The following EPB41L4B variants were observed in gnomAD, a reference collection of about 807,000 sequenced individuals.
EPB41L4B encodes band 4.1-like protein 4B.
EPB41L4B carries 30 observed loss-of-function variants against 112.5 expected under a neutral mutation model. The ratio of observed to expected loss-of-function variants is 0.27; its 90% CI spans 0.20 to 0.36. EPB41L4B has a LOEUF of 0.36. EPB41L4B is among the 10% of genes least tolerant of loss of function. The pLI, the probability that EPB41L4B is intolerant of heterozygous loss-of-function variation, is 1.00. For missense variants in EPB41L4B, 1,024 were observed against 1,133.3 expected, an observed-to-expected ratio of 0.90 and a Z score of 1.38; for synonymous variants, 408 against 439.7, an observed-to-expected ratio of 0.93 and a Z score of 0.90.
intron 16 of EPB41L4B, 66 bp downstream of exon 16, chr9:109,216,856 G>T (rs1425973828): frequency 9.5e-6 from 14 of 1,476,880 alleles, no homozygotes; most frequent in Non-Finnish European, 1.9e-6. Context: ...TAAGAATCTA[G>T]GGAACTCTCG....
intron 7 of EPB41L4B, among the ~76,000 whole-genome samples, chr9:109,257,163 G>A (rs982276568): frequency 4.6e-5 from 7 of 152,124 alleles, no homozygotes; most frequent in Admixed American, 4.6e-4. Context: ...AATGAGAATG[G>A]ACTAATGCCA....
chr9:109,185,836 C>T (rs1189413779), intron 22 of EPB41L4B, among the ~76,000 whole-genome samples: 1 of 130,092 alleles, frequency 7.7e-6, no homozygotes, highest in African/African-American at 2.9e-5. Flanking sequence ...TCCTTTCTGT[C>T]TTTCATCTGT....
At position 109,264,959 on chromosome 9, in the gene EPB41L4B, T is replaced by A. The variant is rs148794364; in HGVS notation, c.578+21A>T. The stretch of plus-strand genomic sequence containing the variant: ...ACTATGATCTATCCTGGGTTAAGAG[T>A]TAGAACAAAAACATACTTACTTTCC... On this transcript the variant is annotated intron_variant, in intron 5 of 25. Transcript: ENST00000374566. 1.7e-4 allele frequency: 269 copies of A among 1,594,678 alleles called. No homozygotes were observed. The East Asian group carries it at 5.9e-3, about 35-fold the overall frequency.
rs367657653 is a variant in EPB41L4B at position 109,288,283 on chromosome 9, C to T, written c.307-8362G>A. 1.8e-4 allele frequency among the ~76,000 whole-genome samples: 28 copies of T among 152,268 alleles called. No individual in the cohort carries two copies. The East Asian group carries it at 3.7e-3, about 20-fold the overall frequency. On this transcript the variant is annotated intron_variant, in intron 1 of 25. Transcript: ENST00000374566. The stretch of plus-strand genomic sequence containing the variant: ...ATCTTGGATATCCAGGCCCCAGAAC[C>T]GTAAGAAAAAGTTTCTGGGCCAGGC...
At chr9:109,224,670 A>G (rs188395140) in intron 15 of EPB41L4B, among the ~76,000 whole-genome samples, 1 of 152,216 alleles carries the variant, frequency 6.6e-6, no homozygotes, top group Admixed American at 6.5e-5. Flanking sequence ...AAAAACATTA[A>G]GTTGTACAAT....
intron 19 of EPB41L4B, among the ~76,000 whole-genome samples, chr9:109,203,362 C>G (rs534329071): frequency 4.6e-5 from 7 of 152,048 alleles, no homozygotes; most frequent in Non-Finnish European, 7.4e-5. Context: ...GTAAACAGAG[C>G]CTTTAAAGGG....
At chr9:109,318,289 C>T (rs529722703) in intron 1 of EPB41L4B, among the ~76,000 whole-genome samples, 2 of 152,256 alleles carry the variant, frequency 1.3e-5, no homozygotes, top group South Asian at 4.2e-4. Context: ...GTCAAGCAGC[C>T]TTTTATAAAG....
chr9:109,231,018 G>C (rs1426681383), intron 15 of EPB41L4B, among the ~76,000 whole-genome samples: 1 of 152,068 alleles, frequency 6.6e-6, no homozygotes, highest in Non-Finnish European at 1.5e-5. Context: ...AATTAGCTGG[G>C]CATAGTGGTG....
At position 109,174,326 on chromosome 9, in the gene EPB41L4B, T is replaced by C. The variant is rs182944216; in HGVS notation, c.*228A>G. The C allele has an allele frequency of 6.4e-4, 297 of 466,816 alleles. 1 individual carries two copies. Among genetic ancestry groups the C allele is most frequent in the African/African-American group, 5.3e-3 (275 of 51,772 alleles). 28.9% of individuals were successfully genotyped at this position (466,816 alleles called of 1,614,324 possible). A position where few individuals can be genotyped will look rare whatever the true frequency, so the allele number is the denominator to read the frequency against. The stretch of plus-strand genomic sequence containing the variant: ...TCCCATCTTTCTTTTCCTAGACTTA[T>C]CAAATCCTGTCTCAACTACATAGAG... On this transcript the variant is annotated 3_prime_UTR_variant, in exon 26 of 26. Coordinates refer to ENST00000374566, the MANE Select transcript of EPB41L4B (RefSeq NM_019114.5).
At chr9:109,193,075 A>G (rs1157526918) in intron 21 of EPB41L4B, among the ~76,000 whole-genome samples, 1 of 152,196 alleles carries the variant, frequency 6.6e-6, no homozygotes, top group Non-Finnish European at 1.5e-5. Flanking sequence ...CACACCTGAG[A>G]CAAAGTTGTA....
chr9:109,231,054 G>A (rs1285161497), intron 15 of EPB41L4B, among the ~76,000 whole-genome samples: 1 of 151,646 alleles, frequency 6.6e-6, no homozygotes, highest in African/African-American at 2.4e-5. Flanking sequence ...AGCTACCCAG[G>A]AGAATGAAGT....
chr9:109,253,584 T>C (rs556533644), intron 11 of EPB41L4B, 34 bp from the exon 12 acceptor site: 4 of 1,353,260 alleles, frequency 3.0e-6, no homozygotes, highest in Admixed American at 1.7e-5. Context: ...GTGTTATCAA[T>C]ATCAGAATCT....
At chr9:109,315,408 T>C (rs1276610135) in intron 1 of EPB41L4B, among the ~76,000 whole-genome samples, 1 of 152,232 alleles carries the variant, frequency 6.6e-6, no homozygotes, top group African/African-American at 2.4e-5. Flanking sequence ...AGATGAACTT[T>C]GTGAACACTG....
intron 18 of EPB41L4B, among the ~76,000 whole-genome samples, chr9:109,206,825 G>T (rs1833006124): frequency 6.6e-6 from 1 of 152,354 alleles, no homozygotes; most frequent in African/African-American, 2.4e-5. Context: ...TTGCCAGGTG[G>T]CTCCATGATA....
chr9:109,188,039 C>G (rs1483618145), intron 22 of EPB41L4B, among the ~76,000 whole-genome samples: 1 of 152,108 alleles, frequency 6.6e-6, no homozygotes, highest in East Asian at 1.9e-4. Context: ...TCCTTTCTTC[C>G]TTGGGTCTTT....
intron 22 of EPB41L4B, among the ~76,000 whole-genome samples, chr9:109,186,499 G>A (rs1291020872): frequency 6.6e-6 from 1 of 151,656 alleles, no homozygotes; most frequent in Non-Finnish European, 1.5e-5. Context: ...TTAAGAGACA[G>A]GGTCTTGCTC....
At chr9:109,182,436 G>T (rs553874601) in intron 24 of EPB41L4B, among the ~76,000 whole-genome samples, 7 of 152,290 alleles carry the variant, frequency 4.6e-5, no homozygotes, top group African/African-American at 1.4e-4. Context: ...CTGCTTAATG[G>T]GTGTGAGGTT....
chr9:109,201,046 C>G (rs1832806416), intron 19 of EPB41L4B, among the ~76,000 whole-genome samples: 1 of 152,108 alleles, frequency 6.6e-6, no homozygotes, highest in African/African-American at 2.4e-5. Flanking sequence ...CTCCTAGGAC[C>G]AACAAGGCAT....
intron 1 of EPB41L4B, among the ~76,000 whole-genome samples, chr9:109,284,801 C>T (rs1171939085): frequency 6.6e-6 from 1 of 152,200 alleles, no homozygotes; most frequent in Non-Finnish European, 1.5e-5. Context: ...CCTTCTTGAC[C>T]TTAACAACCC....
Sources: allele counts gnomAD v4.1 joint callset (sites outside exome capture counted in the v4.1 genomes callset), GRCh38; gene constraint gnomAD v4.1.1; transcripts MANE v1.5; gene names NCBI Gene and HGNC (gene_info 2026-07-23, HGNC 2026-07-21).